PTPRD: variants seen among roughly 807,000 people sequenced by gnomAD.
The protein encoded by PTPRD is protein tyrosine phosphatase receptor type D.
In PTPRD, 34 loss-of-function variants were observed where a neutral mutation model predicts 214.5. The ratio of observed to expected loss-of-function variants is 0.16; its 90% CI spans 0.12 to 0.21. PTPRD has a LOEUF of 0.21. PTPRD is among the 10% of genes least tolerant of loss of function. PTPRD has a pLI of 1.00. For missense variants in PTPRD, 2,545 were observed against 2,398.7 expected (o/e 1.06, Z -1.27); for synonymous variants, 1,128 against 845.7 (o/e 1.33, Z -5.79).
intron 7 of PTPRD, among the ~76,000 whole-genome samples, chr9:9,682,396 G>C (rs986673425): frequency 1.3e-5 from 2 of 151,678 alleles, no homozygotes; most frequent in African/African-American, 4.8e-5. Context: ...CACATTTTCT[G>C]TCAAAGTCAG....
intron 12 of PTPRD, among the ~76,000 whole-genome samples, chr9:8,653,315 C>A (rs2096849104): frequency 6.6e-6 from 1 of 152,046 alleles, no homozygotes; most frequent in South Asian, 2.1e-4. Context: ...CAGGGAAAGA[C>A]AAAAACAGTG....
intron 31 of PTPRD, among the ~76,000 whole-genome samples, chr9:8,469,376 G>A (rs1334601675): frequency 6.6e-6 from 1 of 151,922 alleles, no homozygotes; most frequent in Non-Finnish European, 1.5e-5. Flanking sequence ...GGATCTCAGT[G>A]CCTTAAAAAC....
chr9:9,661,588 A>G (rs545982972), intron 7 of PTPRD, among the ~76,000 whole-genome samples: 9 of 151,976 alleles, frequency 5.9e-5, no homozygotes, highest in African/African-American at 2.2e-4. Flanking sequence ...TATGCTGTTT[A>G]TATTTGTCTT....
intron 11 of PTPRD, among the ~76,000 whole-genome samples, chr9:8,739,305 G>T (rs2091311796): frequency 6.6e-6 from 1 of 152,348 alleles, no homozygotes; most frequent in African/African-American, 2.4e-5. Context: ...GATTTTCCAA[G>T]AGAAGGGAGC....
At chr9:8,342,298 A>G (rs1853205352) in intron 39 of PTPRD, among the ~76,000 whole-genome samples, 1 of 152,126 alleles carries the variant, frequency 6.6e-6, no homozygotes, top group African/African-American at 2.4e-5. Flanking sequence ...TATGAAAAAA[A>G]TACAAACATT....
rs2090021225 is a variant in PTPRD at position 8,735,393 on chromosome 9, C to T, written c.-103-1447G>A. 2.6e-5 allele frequency among the ~76,000 whole-genome samples: 4 copies of T among 152,046 alleles called. No homozygotes were observed. In the South Asian group the frequency reaches 8.3e-4, roughly 32 times the overall value. ...TCCTGGCATCAAGTGATCTGCCTGC[C>T]TCAGCCTCCCAAAGTGCTAGGATTA... On this transcript the variant is annotated intron_variant, in intron 11 of 45. Transcript: ENST00000381196.
intron 11 of PTPRD, among the ~76,000 whole-genome samples, chr9:8,772,162 C>G (rs180879988): frequency 1.2e-3 from 187 of 151,750 alleles, no homozygotes; most frequent in African/African-American, 4.2e-3. Flanking sequence ...AACAACAACA[C>G]AGATTTTGAG....
At chr9:8,686,630 G>T (rs2097686961) in intron 12 of PTPRD, among the ~76,000 whole-genome samples, 1 of 152,118 alleles carries the variant, frequency 6.6e-6, no homozygotes. Context: ...GTTGCAACTG[G>T]CAAAGCTAGG....
chr9:8,522,755 C>T (rs756624152), intron 19 of PTPRD, among the ~76,000 whole-genome samples: 7 of 152,102 alleles, frequency 4.6e-5, no homozygotes, highest in South Asian at 4.1e-4. Flanking sequence ...TCATCTGGGG[C>T]TTTTACTGGC....
chr9:8,708,793 C>T (rs754128191), intron 12 of PTPRD, among the ~76,000 whole-genome samples: 2 of 151,488 alleles, frequency 1.3e-5, no homozygotes, highest in Non-Finnish European at 2.9e-5. Flanking sequence ...TGTGTACATT[C>T]CCCTGTTTAT....
chr9:10,131,146 G>C (rs144738287), intron 3 of PTPRD, among the ~76,000 whole-genome samples: 2 of 152,116 alleles, frequency 1.3e-5, no homozygotes, highest in Non-Finnish European at 2.9e-5. Flanking sequence ...TAAAGAGAGT[G>C]AGGATGGAGC....
At chr9:9,991,278 T>A (rs1014706111) in intron 4 of PTPRD, among the ~76,000 whole-genome samples, 1 of 151,826 alleles carries the variant, frequency 6.6e-6, no homozygotes, top group Non-Finnish European at 1.5e-5. Flanking sequence ...AAATTTCTTA[T>A]ACAGAACACA....
chr9:8,929,805 A>ATG (rs1485463855), intron 11 of PTPRD, among the ~76,000 whole-genome samples: 15,616 of 98,202 alleles, frequency 0.16, 4,448 homozygotes, highest in East Asian at 0.6. Context: ...GTGTGTATAT[A>ATG]TGTGTATATA....
At chr9:9,738,311 G>T (rs1214712502) in intron 6 of PTPRD, among the ~76,000 whole-genome samples, 10 of 152,050 alleles carry the variant, frequency 6.6e-5, no homozygotes, top group African/African-American at 2.4e-4. Context: ...GGAATGTGAT[G>T]GATCTCACTG....
At chr9:9,297,884 A>G (rs1953702349) in intron 9 of PTPRD, among the ~76,000 whole-genome samples, 1 of 151,714 alleles carries the variant, frequency 6.6e-6, no homozygotes, top group South Asian at 2.1e-4. Context: ...AATACTTTAC[A>G]TATAGTAGAT....
At chr9:9,750,681 A>G (rs1323798) in intron 6 of PTPRD, among the ~76,000 whole-genome samples, 18,722 of 152,212 alleles carry the variant, frequency 0.12, 1,928 homozygotes, top group African/African-American at 0.28. Flanking sequence ...TTAACAAAAC[A>G]TAAGAAATCT....
chr9:10,310,598 G>A (rs1428236507), intron 3 of PTPRD, among the ~76,000 whole-genome samples: 1 of 152,050 alleles, frequency 6.6e-6, no homozygotes, highest in South Asian at 2.1e-4. Flanking sequence ...ATTTTAAAGG[G>A]AAAGGAATAA....
chr9:8,957,478 T>C (rs2099137195), intron 11 of PTPRD, among the ~76,000 whole-genome samples: 1 of 151,844 alleles, frequency 6.6e-6, no homozygotes. Flanking sequence ...ATGCTGACTC[T>C]GCTCAGCCAA....
chr9:10,036,263 C>G (rs531273247), intron 3 of PTPRD, among the ~76,000 whole-genome samples: 4 of 152,136 alleles, frequency 2.6e-5, no homozygotes, highest in Non-Finnish European at 1.5e-5. Flanking sequence ...TCCTTGACAT[C>G]TAAGACATAC....
Sources: allele counts gnomAD v4.1 joint callset (sites outside exome capture counted in the v4.1 genomes callset), GRCh38; gene constraint gnomAD v4.1.1; transcripts MANE v1.5; gene names NCBI Gene and HGNC (gene_info 2026-07-23, HGNC 2026-07-21).